RASA1: variants seen among roughly 807,000 people sequenced by gnomAD.
The protein encoded by RASA1 is ras GTPase-activating protein 1.
A neutral mutation model predicts 132.2 loss-of-function variants in RASA1; 25 were observed. That is an observed-to-expected ratio of 0.19 (90% CI 0.14 to 0.26). The LOEUF is 0.26. RASA1 is among the 10% of genes least tolerant of loss of function. The pLI is 1.00. For synonymous variants in RASA1, 477 were observed against 449.9 expected, an observed-to-expected ratio of 1.06 and a Z score of -0.76; for missense variants, 964 against 1,299.2, an observed-to-expected ratio of 0.74 and a Z score of 3.97.
intron 11 of RASA1, among the ~76,000 whole-genome samples, chr5:87,364,706 C>T (rs531391107): frequency 6.4e-4 from 97 of 152,134 alleles, no homozygotes; most frequent in African/African-American, 2.3e-3. Context: ...TGGGTTGAAT[C>T]CTTCCTCAAA....
intron 9 of RASA1, among the ~76,000 whole-genome samples, chr5:87,355,805 T>G (rs529136142): frequency 1.3e-5 from 2 of 152,360 alleles, no homozygotes; most frequent in Admixed American, 6.5e-5. Context: ...ATAACAACAT[T>G]AACAGAAGTT....
chr5:87,294,997 G>GT (rs777260647), intron 1 of RASA1, among the ~76,000 whole-genome samples: 20 of 151,396 alleles, frequency 1.3e-4, no homozygotes, highest in Middle Eastern at 3.4e-3. Flanking sequence ...TGAAGTTCTG[G>GT]TTTTTTTTTA....
At position 87,268,003 on chromosome 5, in the gene RASA1, C is replaced by T. The variant is rs1489834099; in HGVS notation, c.-449C>T. 3.0e-5 allele frequency: 12 copies of T among 404,042 alleles called. No individual in the cohort carries two copies. The highest frequency in any genetic ancestry group is 4.8e-5 in the Non-Finnish European group (11 of 229,962). The allele number at this position is 404,042 out of a possible 1,614,324, so 25.0% of individuals were successfully genotyped here. ...TGGAGGATGAAGCGGCTGCAGTGGCCCCAGCCTCAGCAGCGGCACCGGCGG... is the reference window on the plus strand; with the variant it reads ...TGGAGGATGAAGCGGCTGCAGTGGCTCCAGCCTCAGCAGCGGCACCGGCGG... On this transcript the variant is annotated 5_prime_UTR_variant, in exon 1 of 25. Coordinates refer to ENST00000274376, the MANE Select transcript of RASA1 (RefSeq NM_002890.3).
intron 9 of RASA1, among the ~76,000 whole-genome samples, chr5:87,355,165 G>T (rs1181921778): frequency 6.6e-6 from 1 of 152,160 alleles, no homozygotes; most frequent in East Asian, 1.9e-4. Context: ...TATTGAAGGT[G>T]CTAAACAACA....
rs1379708828 is a variant in RASA1 at position 87,380,754 on chromosome 5, G to GCCA, written c.2690+159_2690+160insCCA. On this transcript the variant is annotated intron_variant, in intron 20 of 24. Transcript: ENST00000274376. ...AGTCCAGATGGCTCCTAAACTGAAA[G>GCCA]TTACTGTGAGATTTAGCTGCCGTTT... Among the ~76,000 whole-genome samples the GCCA allele has an allele frequency of 1.2e-3, 178 of 152,216 alleles. 1 individual carries two copies. Among genetic ancestry groups the GCCA allele is most frequent in the Admixed American group, 3.0e-3 (46 of 15,290 alleles).
At chr5:87,273,652 G>A (rs577047251) in intron 1 of RASA1, among the ~76,000 whole-genome samples, 2 of 150,856 alleles carry the variant, frequency 1.3e-5, no homozygotes, top group Non-Finnish European at 3.0e-5. Flanking sequence ...TGGAATATTT[G>A]ATAATTGTCA....
chr5:87,296,173 C>T (rs1755113082), intron 1 of RASA1, among the ~76,000 whole-genome samples: 1 of 151,156 alleles, frequency 6.6e-6, no homozygotes, highest in South Asian at 2.1e-4. Context: ...TTGCAATATA[C>T]ATTTACAGTT....
intron 1 of RASA1, among the ~76,000 whole-genome samples, chr5:87,270,731 A>G (rs1753795465): frequency 1.4e-5 from 2 of 147,516 alleles, no homozygotes; most frequent in Non-Finnish European, 3.0e-5. Context: ...CTAATTAGGA[A>G]AAGATTCTGT....
intron 1 of RASA1, among the ~76,000 whole-genome samples, chr5:87,302,688 C>A (rs1755426154): frequency 6.7e-6 from 1 of 149,420 alleles, no homozygotes; most frequent in Non-Finnish European, 1.5e-5. Flanking sequence ...CTGTGTAATC[C>A]ATACTTAAAG....
At chr5:87,347,805 G>A (rs1438921420) in intron 7 of RASA1, among the ~76,000 whole-genome samples, 1 of 151,954 alleles carries the variant, frequency 6.6e-6, no homozygotes, top group East Asian at 1.9e-4. Context: ...ATTTCAGTGT[G>A]GAACCAAAAA....
At chr5:87,376,176 T>A in intron 15 of RASA1, 1 of 593,300 alleles carries the variant, frequency 1.7e-6, no homozygotes, top group Non-Finnish European at 3.0e-6. Context: ...AAAGAACACA[T>A]CTCAATCATC....
Position 87,378,466 on chromosome 5 carries a change from T to C in RASA1, c.2415T>C (p.Thr805=). 1.2e-6 allele frequency: 2 copies of C among 1,612,650 alleles called. No individual in the cohort carries two copies. Among genetic ancestry groups the C allele is most frequent in the South Asian group, 1.1e-5 (1 of 91,064 alleles). The change falls in exon 18 of 25, where the codon ACT becomes ACC. Residue 805 remains threonine (T), a synonymous_variant. Transcript: ENST00000274376. The part of the protein sequence containing the change: ...STLMEQYMKA[T]ATQFVHHALK... The stretch of plus-strand genomic sequence containing the variant: ...TGATGGAGCAGTATATGAAAGCCAC[T>C]GCTACACAGTTTGTTCATCATGCTT...
rs557688467 is a variant in RASA1 at position 87,303,190 on chromosome 5, GTC to G, written c.540-28154_540-28153del. 5.3e-5 allele frequency among the ~76,000 whole-genome samples: 8 copies of G among 152,168 alleles called. No individual in the cohort carries two copies. In the East Asian group the frequency reaches 1.5e-3, roughly 29 times the overall value. On this transcript the variant is annotated intron_variant, in intron 1 of 24. Coordinates refer to ENST00000274376, the MANE Select transcript of RASA1 (RefSeq NM_002890.3). The stretch of plus-strand genomic sequence containing the variant: ...GACTAATTGTTCTTCAGTAGGACCT[GTC>G]TCTTTTTCACTAGTGAAATTGATAC...
At chr5:87,352,360 C>T (rs745564938) in intron 8 of RASA1, among the ~76,000 whole-genome samples, 4 of 151,390 alleles carry the variant, frequency 2.6e-5, no homozygotes, top group Non-Finnish European at 5.9e-5. Context: ...TAAACAAAAT[C>T]TGTCTGGAGA....
Position 87,367,974 on chromosome 5 carries a change from TA to T in RASA1, c.1611-1829del, listed in dbSNP as rs56965674. Reference sequence around the variant, plus strand: ...AAACTAAAATGTACCAACTATAAATTAAAAAAAAAATTATCCTTAGGTTTGT... The same window carrying T: ...AAACTAAAATGTACCAACTATAAATTAAAAAAAAATTATCCTTAGGTTTGT... On this transcript the variant is annotated intron_variant, in intron 11 of 24. Coordinates refer to ENST00000274376, the MANE Select transcript of RASA1 (RefSeq NM_002890.3). 1.9e-3 allele frequency among the ~76,000 whole-genome samples: 279 copies of T among 150,512 alleles called. 1 individual carries two copies. The highest frequency in any genetic ancestry group is 0.017 in the Middle Eastern group (5 of 292).
intron 1 of RASA1, chr5:87,318,586 T>C (rs1756523537): frequency 6.6e-6 from 1 of 152,142 alleles, no homozygotes; most frequent in Admixed American, 6.5e-5. Flanking sequence ...GCCACACACT[T>C]TTAAACCATC....
chr5:87,288,742 A>G (rs1172424259), intron 1 of RASA1, among the ~76,000 whole-genome samples: 2 of 152,134 alleles, frequency 1.3e-5, no homozygotes, highest in Non-Finnish European at 2.9e-5. Flanking sequence ...ACTTTACCCC[A>G]AGTATTTGTG....
chr5:87,292,283 G>A lies in RASA1; in HGVS notation c.539+23293G>A, dbSNP rs189283620. 2.0e-5 allele frequency among the ~76,000 whole-genome samples: 3 copies of A among 150,876 alleles called. No homozygotes were observed. In the East Asian group the frequency reaches 5.9e-4, roughly 29 times the overall value. On this transcript the variant is annotated intron_variant, in intron 1 of 24. Transcript: ENST00000274376. ...TTTTCTTTTTTGTTATTGTCTAGGA[G>A]TTTTATAGTTTTGCATTTTAATTTC... is the stretch of plus-strand genomic sequence containing the variant.
At chr5:87,327,784 G>A (rs558945028) in intron 1 of RASA1, among the ~76,000 whole-genome samples, 2 of 152,164 alleles carry the variant, frequency 1.3e-5, no homozygotes, top group Non-Finnish European at 2.9e-5. Context: ...GGCCAACATG[G>A]TGAAACCCCG....
Sources: allele counts gnomAD v4.1 joint callset (sites outside exome capture counted in the v4.1 genomes callset), GRCh38; gene constraint gnomAD v4.1.1; transcripts MANE v1.5; gene names NCBI Gene and HGNC (gene_info 2026-07-23, HGNC 2026-07-21).